Variants in PODNL1 observed in about 807,000 individuals in gnomAD.
The protein encoded by PODNL1 is podocan like 1.
A neutral mutation model predicts 45.1 loss-of-function variants in PODNL1; 50 were observed. The ratio of observed to expected loss-of-function variants is 1.11; its 90% CI spans 0.88 to 1.40. The LOEUF is 1.40. Among genes scored for constraint, PODNL1 ranks in the 40% most tolerant of loss-of-function variants. The probability of loss-of-function intolerance (pLI) is 0.00; values close to 1 mark genes in which losing one functional copy is unlikely to be tolerated. For missense variants in PODNL1, 788 were observed against 793.3 expected (o/e 0.99, Z 0.08); for synonymous variants, 406 against 372.5 (o/e 1.09, Z -1.04).
At position 13,933,282 on chromosome 19, in the gene PODNL1, T is replaced by C. The variant is rs1314372742; in HGVS notation, c.941A>G (p.Asn314Ser). 1.3e-6 allele frequency: 2 copies of C among 1,573,578 alleles called. No individual in the cohort carries two copies. Among genetic ancestry groups the C allele is most frequent in the Non-Finnish European group, 1.7e-6 (2 of 1,164,944 alleles). Residue 314 changes from asparagine (N) to serine (S), a missense_variant, in exon 8 of 10, where the codon AAC (asparagine) becomes AGC (serine). This residue lies in a region of PODNL1 where 762 missense variants were observed against 750.9 expected (regional missense o/e 1.01). Coordinates refer to ENST00000588872, the MANE Select transcript of PODNL1 (RefSeq NM_001370095.3). This position sits in a 1 kb window ranked among gnomAD's most constrained non-coding sequence, Gnocchi z 5.2. ...RGLRYLLLQHNQLGSSGLPAG... is the reference protein window; with the variant it reads ...RGLRYLLLQHSQLGSSGLPAG... ...GGGCAGCCCTGAGCTCCCCAGCTGG[T>C]TGTGCTGCAGCAACAAATAGCGCAG...
rs748364837 is a variant in PODNL1, at chr19:13,935,839, A to G, written c.385-9T>C. On this transcript the variant is annotated splice_polypyrimidine_tract_variant and intron_variant, in intron 4 of 9. Coordinates refer to ENST00000588872, the MANE Select transcript of PODNL1 (RefSeq NM_001370095.3). Reference sequence around the variant, plus strand: ...TGAGGGGCCACTGAGAGCTGTGGGGACACAGCCCACAGCCGGACTGGTCCT... The same window carrying G: ...TGAGGGGCCACTGAGAGCTGTGGGGGCACAGCCCACAGCCGGACTGGTCCT... 1.9e-6 allele frequency: 3 copies of G among 1,597,124 alleles called. No homozygotes were observed. Among genetic ancestry groups the G allele is most frequent in the Non-Finnish European group, 2.6e-6 (3 of 1,172,116 alleles).
chr19:13,935,424 T>C (rs1972277411), intron 5 of PODNL1, among the ~76,000 whole-genome samples: 2 of 152,144 alleles, frequency 1.3e-5, no homozygotes, highest in African/African-American at 4.8e-5. Context: ...CCTCCTGGGT[T>C]CAAGCCAGTC....
At chr19:13,938,059 G>C (rs1199198565) in intron 1 of PODNL1, 53 bp from the exon 2 acceptor site, 29 of 1,453,112 alleles carry the variant, frequency 2.0e-5, no homozygotes, top group Non-Finnish European at 2.7e-5. Flanking sequence ...GGGTCGCCAT[G>C]GTGACTGGAG....
chr19:13,947,630 G>A (rs1393704897), intron 1 of PODNL1, among the ~76,000 whole-genome samples: 1 of 152,068 alleles, frequency 6.6e-6, no homozygotes, highest in African/African-American at 2.4e-5. Flanking sequence ...TGATATAGAA[G>A]GAAAAACAGT....
At chr19:13,935,956 C>T (rs1481876871) in intron 4 of PODNL1, 24 bp downstream of exon 4, 1 of 1,550,904 alleles carries the variant, frequency 6.4e-7, no homozygotes, top group African/African-American at 1.4e-5. Flanking sequence ...TGGGCTCGGC[C>T]TGCGGGTGGG....
chr19:13,934,697 C>A (rs60773159), intron 5 of PODNL1, among the ~76,000 whole-genome samples: 2,995 of 150,198 alleles, frequency 0.02, 104 homozygotes, highest in African/African-American at 0.068. Flanking sequence ...TGTGTGTGCA[C>A]GTGTGTATGT....
upstream of PODNL1, among the ~76,000 whole-genome samples, chr19:13,940,975 G>A (rs1384400290): frequency 6.6e-6 from 1 of 152,146 alleles, no homozygotes; most frequent in Admixed American, 6.6e-5. Context: ...GAACCCAGGA[G>A]GTTGAAGCTG....
Position 13,933,261 on chromosome 19 carries a change from A to G in PODNL1, c.962T>C (p.Leu321Pro). Reference protein sequence around the residue: ...LQHNQLGSSGLPAGALRPLRG... With the variant: ...LQHNQLGSSGPPAGALRPLRG... The stretch of plus-strand genomic sequence containing the variant: ...CAGCGGCCGCAGAGCCCCGGCGGGC[A>G]GCCCTGAGCTCCCCAGCTGGTTGTG... The change falls in exon 8 of 10, where the codon CTG becomes CCG. Residue 321 changes from leucine to proline, a missense_variant. Physicochemically the swap from Leu to Pro is moderately conservative, Grantham distance 98 (BLOSUM62 -3). Coordinates refer to ENST00000588872, the MANE Select transcript of PODNL1 (RefSeq NM_001370095.3). The surrounding 1 kb of genome is among the most constrained non-coding windows in gnomAD (Gnocchi z 5.2). 6.4e-7 allele frequency: 1 copy of G among 1,557,520 alleles called. No homozygotes were observed. The highest frequency in any genetic ancestry group is 8.6e-7 in the Non-Finnish European group (1 of 1,156,750).
At position 13,933,399 on chromosome 19, in the gene PODNL1, G is replaced by A; in HGVS notation, c.824C>T (p.Pro275Leu). 6.2e-7 allele frequency: 1 copy of A among 1,603,266 alleles called. No homozygotes were observed. Among genetic ancestry groups the A allele is most frequent in the Non-Finnish European group, 8.5e-7 (1 of 1,176,908 alleles). The change falls in exon 8 of 10, where the codon CCC becomes CTC. Residue 275 changes from proline (P) to leucine (L), a missense_variant. Pro to Leu is a moderately conservative substitution (Grantham distance 98). Around this residue, in one of 3 missense-constraint regions of PODNL1, gnomAD observed 762 missense variants for 750.9 expected, o/e 1.01. Coordinates refer to ENST00000588872, the MANE Select transcript of PODNL1 (RefSeq NM_001370095.3). The surrounding 1 kb of genome is among the most constrained non-coding windows in gnomAD (Gnocchi z 5.2). ...DLSHNQLTTVPAGLPRTLAIL... is the reference protein window; with the variant it reads ...DLSHNQLTTVLAGLPRTLAIL... ...AGCCAGGGTCCGGGGCAGGCCGGCG[G>A]GCACTGTGGTCAGCTGGTTGTGGGA...
At chr19:13,951,347 A>G (rs1011753233) in intron 1 of PODNL1, among the ~76,000 whole-genome samples, 9 of 152,048 alleles carry the variant, frequency 5.9e-5, no homozygotes, top group African/African-American at 2.2e-4. Context: ...AGAGGATTAA[A>G]TGGGCTGGCC....
intron 1 of PODNL1, among the ~76,000 whole-genome samples, chr19:13,943,903 C>T (rs957851584): frequency 1.1e-4 from 16 of 152,060 alleles, no homozygotes; most frequent in African/African-American, 2.4e-4. Context: ...TTCACGGCAT[C>T]GGGGAGACAG....
rs1972502203 is a variant in PODNL1 at position 13,938,086 on chromosome 19, A to G, written c.4-80T>C. 3 of 1,434,516 alleles carry G rather than the reference A, an allele frequency of 2.1e-6. No homozygotes were observed. The Admixed American group carries it at 6.5e-5, about 31-fold the overall frequency. The allele number at this position is 1,434,516 out of a possible 1,614,324, so 88.9% of individuals were successfully genotyped here. The stretch of plus-strand genomic sequence containing the variant: ...TGACTGGAGCATCCCCTCCTCGGGG[A>G]GGGTCTTGGTGGGGAGGCAGTGGCC... On this transcript the variant is annotated intron_variant, in intron 1 of 9. Transcript: ENST00000588872.
At position 13,935,854 on chromosome 19, in the gene PODNL1, G is replaced by A. The variant is rs771232909; in HGVS notation, c.385-24C>T. 49 of 1,589,012 alleles carry A rather than the reference G, an allele frequency of 3.1e-5. 1 individual carries two copies. The South Asian group carries it at 4.3e-4, about 14-fold the overall frequency. ...AGCTGTGGGGACACAGCCCACAGCC[G>A]GACTGGTCCTGGTGCGCCTTGGCCC... On this transcript the variant is annotated intron_variant, in intron 4 of 9. Coordinates refer to ENST00000588872, the MANE Select transcript of PODNL1 (RefSeq NM_001370095.3).
intron 1 of PODNL1, chr19:13,952,556 G>C: frequency 7.9e-7 from 1 of 1,263,636 alleles, no homozygotes; most frequent in Middle Eastern, 3.0e-4. Context: ...GGGGCTGGGA[G>C]CGGCGGCGGC....
At chr19:13,939,238 C>G (rs986877183), upstream of PODNL1, among the ~76,000 whole-genome samples, 1 of 152,142 alleles carries the variant, frequency 6.6e-6, no homozygotes, top group African/African-American at 2.4e-5. Context: ...GAGTCTCACT[C>G]TGTCACTCTG....
intron 1 of PODNL1, among the ~76,000 whole-genome samples, chr19:13,943,481 AG>A (rs1243584240): frequency 6.6e-6 from 1 of 151,106 alleles, no homozygotes; most frequent in Non-Finnish European, 1.5e-5. Context: ...TTTATTTTTG[AG>A]ATGGAGTCTC....
At chr19:13,943,002 A>G (rs1351759649), upstream of PODNL1, among the ~76,000 whole-genome samples, 1 of 151,278 alleles carries the variant, frequency 6.6e-6, no homozygotes, top group African/African-American at 2.4e-5. Flanking sequence ...CTCTCTCTAA[A>G]AAAAGACAGA....
At chr19:13,947,788 C>A (rs1408655230) in intron 1 of PODNL1, among the ~76,000 whole-genome samples, 1 of 152,216 alleles carries the variant, frequency 6.6e-6, no homozygotes, top group Non-Finnish European at 1.5e-5. Flanking sequence ...TTGCCCCTAT[C>A]CCAATATCTT....
At chr19:13,949,816 C>G (rs573773957) in intron 1 of PODNL1, among the ~76,000 whole-genome samples, 1 of 152,092 alleles carries the variant, frequency 6.6e-6, no homozygotes, top group East Asian at 1.9e-4. Flanking sequence ...ACCTCAGCCT[C>G]TTACGTAGCT....
Sources: allele counts gnomAD v4.1 joint callset (sites outside exome capture counted in the v4.1 genomes callset), GRCh38; gene constraint gnomAD v4.1.1; regional missense constraint gnomAD v4.1.1; non-coding constraint Gnocchi (gnomAD v3.1); transcripts MANE v1.5; gene names NCBI Gene and HGNC (gene_info 2026-07-23, HGNC 2026-07-21).